Variants in ANKFN1 observed in about 807,000 individuals in gnomAD.
The protein encoded by ANKFN1 is ankyrin repeat and fibronectin type III domain containing 1.
ANKFN1 carries 74 observed loss-of-function variants against 108.7 expected under a neutral mutation model. The observed-to-expected ratio is 0.68, with a 90% CI of 0.56 to 0.83. ANKFN1 has a LOEUF of 0.83. ANKFN1 is among the 40% of genes least tolerant of loss of function. The pLI, the probability that ANKFN1 is intolerant of heterozygous loss-of-function variation, is 0.00. For synonymous variants in ANKFN1, 547 were observed against 516.2 expected, an observed-to-expected ratio of 1.06 and a Z score of -0.81; for missense variants, 1,505 against 1,382.3, an observed-to-expected ratio of 1.09 and a Z score of -1.41.
intron 4 of ANKFN1, among the ~76,000 whole-genome samples, chr17:56,139,000 A>ACC (rs1907762659): frequency 6.6e-6 from 1 of 152,166 alleles, no homozygotes; most frequent in Non-Finnish European, 1.5e-5. Flanking sequence ...CCTCTTAACA[A>ACC]CCTTATTATT....
chr17:56,102,795 C>T (rs73325656), intron 4 of ANKFN1, among the ~76,000 whole-genome samples: 1 of 152,060 alleles, frequency 6.6e-6, no homozygotes, highest in Non-Finnish European at 1.5e-5. Context: ...CCCAGGCTGG[C>T]CTCAAACTCC....
chr17:56,373,527 C>CA (rs919697417), intron 7 of ANKFN1, among the ~76,000 whole-genome samples: 2 of 152,060 alleles, frequency 1.3e-5, no homozygotes, highest in Non-Finnish European at 2.9e-5. Context: ...TAAACAACAA[C>CA]AAAAAAATTA....
Position 56,280,908 on chromosome 17 carries a change from T to C in ANKFN1, c.54-45313T>C, listed in dbSNP as rs1370395163. On this transcript the variant is annotated intron_variant, in intron 3 of 20. Coordinates refer to ENST00000682825, the MANE Select transcript of ANKFN1 (RefSeq NM_001370326.1). ...TAATTGAATCATGGGGGTAGGTCTT[T>C]CTCATGCTGTTTTCATAATAGTGAA... 3.3e-5 allele frequency among the ~76,000 whole-genome samples: 5 copies of C among 152,178 alleles called. No individual in the cohort carries two copies. In the East Asian group the frequency reaches 9.6e-4, roughly 29 times the overall value.
intron 1 of ANKFN1, among the ~76,000 whole-genome samples, chr17:56,162,239 A>G (rs1365655708): frequency 6.6e-6 from 1 of 152,214 alleles, no homozygotes; most frequent in Non-Finnish European, 1.5e-5. Context: ...TCTATACATA[A>G]TAAGTATGCA....
In ANKFN1 at chr17:56,480,691, A is replaced by C. The variant is rs1000799972; in HGVS notation, c.1964A>C (p.Lys655Thr). Residue 655 changes from lysine (K) to threonine (T), a missense_variant, in exon 17 of 21, where the codon AAG (lysine) becomes ACG (threonine). Coordinates refer to ENST00000682825, the MANE Select transcript of ANKFN1 (RefSeq NM_001370326.1). ...AGAGAGGAATGGGAATGGATCCAAAAGCTTTCTGGCTCTGAATCTATGGAA... is the reference window on the plus strand; with the variant it reads ...AGAGAGGAATGGGAATGGATCCAAACGCTTTCTGGCTCTGAATCTATGGAA... ...ISREEWEWIQ[K>T]LSGSESMESV... 6.2e-7 allele frequency: 1 copy of C among 1,613,932 alleles called. No individual in the cohort carries two copies. Among genetic ancestry groups the C allele is most frequent in the African/African-American group, 1.3e-5 (1 of 75,004 alleles).
chr17:56,500,542 C>T (rs2145450985), intron 20 of ANKFN1, among the ~76,000 whole-genome samples: 1 of 152,144 alleles, frequency 6.6e-6, no homozygotes, highest in East Asian at 1.9e-4. Flanking sequence ...TAATTGCCTA[C>T]CTGCTATGAA....
intron 20 of ANKFN1, among the ~76,000 whole-genome samples, chr17:56,499,706 G>A (rs2051308744): frequency 6.6e-6 from 1 of 152,034 alleles, no homozygotes; most frequent in African/African-American, 2.4e-5. Flanking sequence ...ACCTAGCAAG[G>A]CACCTCTCCA....
rs751193307 is a variant in ANKFN1 at position 56,511,432 on chromosome 17, G to A, written c.*163G>A. ...AGGTCCTCTTTTTTTGGAACAGAGT[G>A]GTGGGTGGAGGCCAGAGTTGCCAGT... On this transcript the variant is annotated 3_prime_UTR_variant, in exon 21 of 21. Transcript: ENST00000682825. 1.3e-4 allele frequency: 103 copies of A among 809,428 alleles called. No individual in the cohort carries two copies. The highest frequency in any genetic ancestry group is 1.6e-4 in the Non-Finnish European group (86 of 533,902). 50.1% of individuals were successfully genotyped at this position (809,428 alleles called of 1,614,324 possible).
At chr17:56,196,046 C>T (rs909910520) in intron 1 of ANKFN1, among the ~76,000 whole-genome samples, 4 of 152,110 alleles carry the variant, frequency 2.6e-5, no homozygotes, top group African/African-American at 4.8e-5. Context: ...GCAGGAGGAT[C>T]GCTTGAGACC....
At chr17:56,470,897 A>G (rs1479757111) in intron 15 of ANKFN1, among the ~76,000 whole-genome samples, 1 of 152,208 alleles carries the variant, frequency 6.6e-6, no homozygotes, top group East Asian at 1.9e-4. Flanking sequence ...TGGCAATGAG[A>G]GTATTTCCAA....
At chr17:56,233,008 G>C (rs1916851648) in intron 3 of ANKFN1, among the ~76,000 whole-genome samples, 1 of 152,034 alleles carries the variant, frequency 6.6e-6, no homozygotes, top group African/African-American at 2.4e-5. Flanking sequence ...TACCTTGTCT[G>C]TTCCTGACAA....
intron 8 of ANKFN1, among the ~76,000 whole-genome samples, chr17:56,411,858 A>T (rs1184313079): frequency 6.6e-6 from 1 of 152,148 alleles, no homozygotes; most frequent in African/African-American, 2.4e-5. Flanking sequence ...ATGGTAAATT[A>T]TATTTATAGT....
chr17:56,085,507 C>T (rs1332888811), intron 4 of ANKFN1, among the ~76,000 whole-genome samples: 2 of 151,058 alleles, frequency 1.3e-5, no homozygotes, highest in African/African-American at 4.9e-5. Context: ...CTACCAATAC[C>T]TCGATTTCAG....
intron 20 of ANKFN1, among the ~76,000 whole-genome samples, chr17:56,500,115 T>G (rs2051321455): frequency 6.6e-6 from 1 of 152,218 alleles, no homozygotes; most frequent in Non-Finnish European, 1.5e-5. Context: ...TTTCCATGTA[T>G]GTAAAATGAG....
At chr17:56,420,511 A>G (rs1169402185) in intron 8 of ANKFN1, among the ~76,000 whole-genome samples, 3 of 152,204 alleles carry the variant, frequency 2.0e-5, no homozygotes, top group African/African-American at 7.2e-5. Context: ...TATCTTTAGT[A>G]TGAAAGCAGT....
chr17:56,082,928 G>A (rs1905266049), intron 4 of ANKFN1, among the ~76,000 whole-genome samples: 1 of 145,754 alleles, frequency 6.9e-6, no homozygotes, highest in Non-Finnish European at 1.5e-5. Context: ...AAAGCTACTG[G>A]AGAATTTTCT....
chr17:56,427,315 A>G (rs939668231), intron 8 of ANKFN1, among the ~76,000 whole-genome samples: 4 of 152,050 alleles, frequency 2.6e-5, no homozygotes, highest in African/African-American at 9.7e-5. Context: ...TTAGAGGGGG[A>G]GGAGGAGAAA....
At chr17:56,153,470 A>T, upstream of ANKFN1, 1 of 1,613,382 alleles carries the variant, frequency 6.2e-7, no homozygotes, top group Non-Finnish European at 8.5e-7. Context: ...TCCACCCCCC[A>T]GGTCCTCTTT....
chr17:56,487,344 T>C (rs2050888096), intron 18 of ANKFN1, among the ~76,000 whole-genome samples: 2 of 152,226 alleles, frequency 1.3e-5, no homozygotes, highest in South Asian at 4.1e-4. Context: ...AGCAGCATCA[T>C]GAGCCCTTAG....
Sources: gnomAD v4.1 joint callset for allele counts (sites outside exome capture counted in the v4.1 genomes callset) on GRCh38, gnomAD v4.1.1 for gene constraint, MANE v1.5 for transcripts, NCBI Gene and HGNC (gene_info 2026-07-23, HGNC 2026-07-21) for gene names.